Variants in GOSR2 observed in about 807,000 individuals in gnomAD.
The protein encoded by GOSR2 is golgi SNAP receptor complex member 2, also known as 27 kDa Golgi SNARE protein.
In GOSR2, 20 loss-of-function variants were observed where a neutral mutation model predicts 27.9. The observed-to-expected ratio is 0.72, with a 90% CI of 0.50 to 1.04. The LOEUF (loss-of-function observed/expected upper bound fraction) is 1.04, where lower values mean the gene tolerates loss of function less well. GOSR2 is among the 50% of genes least tolerant of loss of function. The probability of loss-of-function intolerance (pLI) is 0.00; values close to 1 mark genes in which losing one functional copy is unlikely to be tolerated. For synonymous variants in GOSR2, 91 were observed against 98.8 expected (o/e 0.92, Z 0.47); for missense variants, 261 against 270.5 (o/e 0.97, Z 0.25).
intron 6 of GOSR2, among the ~76,000 whole-genome samples, chr17:46,954,301 C>A (rs1379719100): frequency 6.6e-6 from 1 of 152,316 alleles, no homozygotes; most frequent in Non-Finnish European, 1.5e-5. Context: ...GAATCCTTTT[C>A]CCATTTCTTG....
chr17:46,927,376 G>T (rs2086649364), intron 1 of GOSR2, among the ~76,000 whole-genome samples: 1 of 152,086 alleles, frequency 6.6e-6, no homozygotes, highest in African/African-American at 2.4e-5. Flanking sequence ...TTTTCATGTT[G>T]TCAGATGTAT....
At position 46,940,752 on chromosome 17, in the gene GOSR2, T is replaced by G. The variant is rs2089162673; in HGVS notation, c.*1992T>G. The G allele has an allele frequency of 1.3e-6, 2 of 1,561,444 alleles. No homozygotes were observed. Among genetic ancestry groups the G allele is most frequent in the South Asian group, 1.1e-5 (1 of 87,152 alleles). On this transcript the variant is annotated 3_prime_UTR_variant, in exon 6 of 6. Transcript: ENST00000640051. ...CTTTGATGAACCCTCATGCTGCACC[T>G]TCAGAGCCAGTCCTCTAGTTTGGAA...
At chr17:46,968,222 C>T (rs999450413), downstream of GOSR2, among the ~76,000 whole-genome samples, 4 of 152,170 alleles carry the variant, frequency 2.6e-5, no homozygotes, top group African/African-American at 9.7e-5. Flanking sequence ...GGGAAGGAGG[C>T]GTCCAGAGAC....
chr17:46,966,496 C>A, intron 6 of GOSR2: 1 of 676,254 alleles, frequency 1.5e-6, no homozygotes. Flanking sequence ...TACAGGTGCA[C>A]CCCACCACAC....
intron 1 of GOSR2, 82 bp from the exon 2 acceptor site, chr17:46,929,437 TG>T: frequency 2.6e-6 from 2 of 782,936 alleles, no homozygotes; most frequent in Non-Finnish European, 4.7e-6. Flanking sequence ...AGTTACATGT[TG>T]GCATCAGAAA....
At position 46,939,490 on chromosome 17, in the gene GOSR2, T is replaced by C; in HGVS notation, c.*730T>C. 1 of 986,440 alleles carries C rather than the reference T, an allele frequency of 1.0e-6. No homozygotes were observed. Among genetic ancestry groups the C allele is most frequent in the South Asian group, 4.7e-5 (1 of 21,336 alleles). The allele number at this position is 986,440 out of a possible 1,614,324, so 61.1% of individuals were successfully genotyped here. A position where few individuals can be genotyped will look rare whatever the true frequency, so the allele number is the denominator to read the frequency against. On this transcript the variant is annotated 3_prime_UTR_variant, in exon 6 of 6. Coordinates refer to ENST00000640051, the MANE Select transcript of GOSR2 (RefSeq NM_004287.5). ...TTTTTTCTAGTTGTTAATAGAGTGG[T>C]TGGCTTTTAAGGTTCAGAGACTGTG... is the stretch of plus-strand genomic sequence containing the variant.
chr17:46,932,271 C>T (rs756679129), intron 4 of GOSR2, 72 bp downstream of exon 4: 61 of 1,574,224 alleles, frequency 3.9e-5, no homozygotes, highest in African/African-American at 4.1e-5. Context: ...GATCTCTGAG[C>T]GCCATCTGTT....
At chr17:46,953,196 A>C (rs1219011861) in intron 6 of GOSR2, among the ~76,000 whole-genome samples, 14 of 140,054 alleles carry the variant, frequency 1.0e-4, no homozygotes, top group South Asian at 4.6e-4. Flanking sequence ...ATCCCTCCCC[A>C]CTCCCCCCAC....
At chr17:46,955,243 C>G (rs1419811337) in intron 6 of GOSR2, among the ~76,000 whole-genome samples, 1 of 151,448 alleles carries the variant, frequency 6.6e-6, no homozygotes, top group African/African-American at 2.4e-5. Context: ...TGAATTTTGT[C>G]AAAGGCCTTT....
Position 46,953,274 on chromosome 17 carries a change from A to G in GOSR2, c.584-13260A>G, listed in dbSNP as rs377695092. Among the ~76,000 whole-genome samples the G allele has an allele frequency of 1.9e-4, 29 of 150,786 alleles. No homozygotes were observed. The East Asian group carries it at 5.7e-3, about 30-fold the overall frequency. ...CATGTGTTCTCATTGTTCAATTCCC[A>G]CCTATGAGTGAGAACATGCAGTGTT... On this transcript the variant is annotated intron_variant, in intron 6 of 6. Coordinates refer to the GOSR2 transcript ENST00000573224.
At position 46,953,851 on chromosome 17, in the gene GOSR2, A is replaced by C. The variant is rs1027188052; in HGVS notation, c.584-12683A>C. Among the ~76,000 whole-genome samples the C allele has an allele frequency of 3.8e-4, 58 of 152,210 alleles. No homozygotes were observed. The East Asian group carries it at 8.9e-3, about 23-fold the overall frequency. Reference sequence around the variant, plus strand: ...ATAAATGTCTTCTTTTGAGAAGTGTATGTTCATATCCTTCGCCCACTTGTT... The same window carrying C: ...ATAAATGTCTTCTTTTGAGAAGTGTCTGTTCATATCCTTCGCCCACTTGTT... On this transcript the variant is annotated intron_variant, in intron 6 of 6. Transcript: ENST00000573224.
chr17:46,937,393 T>C (rs1366847542), intron 5 of GOSR2: 1 of 152,254 alleles, frequency 6.6e-6, no homozygotes, highest in East Asian at 1.9e-4. Flanking sequence ...TTTTTTGATG[T>C]TGCCTTCTTT....
chr17:46,962,518 G>A (rs897633238), intron 6 of GOSR2, among the ~76,000 whole-genome samples: 4 of 152,108 alleles, frequency 2.6e-5, no homozygotes, highest in African/African-American at 9.7e-5. Flanking sequence ...CAATTATTGA[G>A]GTCTGGAAAC....
In GOSR2 at chr17:46,938,655, G is replaced by C; in HGVS notation, c.534G>C (p.Val178=). ...ACATGCTGGGCTTGTCCAACACAGT[G>C]ATGCGGCTCATCGAGAAGCGGGCTT... ...IANMLGLSNT[V]MRLIEKRAFQ... Residue 178 remains valine, a synonymous_variant, in exon 6 of 6, where the codon GTG becomes GTC. Coordinates refer to ENST00000640051, the MANE Select transcript of GOSR2 (RefSeq NM_004287.5). 2 of 1,614,126 alleles carry C rather than the reference G, an allele frequency of 1.2e-6. No individual in the cohort carries two copies. The highest frequency in any genetic ancestry group is 1.7e-6 in the Non-Finnish European group (2 of 1,180,018).
At chr17:46,953,286 GA>G (rs957342690) in intron 6 of GOSR2, among the ~76,000 whole-genome samples, 2 of 151,936 alleles carry the variant, frequency 1.3e-5, no homozygotes, top group Non-Finnish European at 2.9e-5. Context: ...CTATGAGTGA[GA>G]ACATGCAGTG....
chr17:46,957,451 A>G (rs1003336641), intron 6 of GOSR2, among the ~76,000 whole-genome samples: 3 of 152,130 alleles, frequency 2.0e-5, no homozygotes, highest in Non-Finnish European at 4.4e-5. Context: ...CATCTCTACT[A>G]AAAATACAAA....
Position 46,940,745 on chromosome 17 carries a change from C to T in GOSR2, c.*1985C>T. 1 of 1,573,630 alleles carries T rather than the reference C, an allele frequency of 6.4e-7. No homozygotes were observed. Among genetic ancestry groups the T allele is most frequent in the Non-Finnish European group, 8.6e-7 (1 of 1,164,128 alleles). On this transcript the variant is annotated 3_prime_UTR_variant, in exon 6 of 6. Coordinates refer to ENST00000640051, the MANE Select transcript of GOSR2 (RefSeq NM_004287.5). ...TGGTTGGCTTTGATGAACCCTCATG[C>T]TGCACCTTCAGAGCCAGTCCTCTAG...
At chr17:46,926,020 CTTATCGT>C (rs2086439943) in intron 1 of GOSR2, among the ~76,000 whole-genome samples, 1 of 152,132 alleles carries the variant, frequency 6.6e-6, no homozygotes. Flanking sequence ...TGTCCTGGAC[CTTATCGT>C]ATGTCCAGGA....
In GOSR2 at chr17:46,950,796, G is replaced by T. The variant is rs146901748; in HGVS notation, c.583+12092G>T. Among the ~76,000 whole-genome samples, 52 of 152,296 alleles carry T rather than the reference G, an allele frequency of 3.4e-4. 1 individual carries two copies. In the East Asian group the frequency reaches 9.8e-3, roughly 29 times the overall value. On this transcript the variant is annotated intron_variant, in intron 6 of 6. Coordinates refer to the GOSR2 transcript ENST00000573224. ...ACATGGGGCTGATGAGATCAAAACTGTCCAGTTCCAAATCCCAGAACAGAG... is the reference window on the plus strand; with the variant it reads ...ACATGGGGCTGATGAGATCAAAACTTTCCAGTTCCAAATCCCAGAACAGAG...
Sources: gnomAD v4.1 joint callset for allele counts (sites outside exome capture counted in the v4.1 genomes callset) on GRCh38, gnomAD v4.1.1 for gene constraint, MANE v1.5 for transcripts, NCBI Gene and HGNC (gene_info 2026-07-23, HGNC 2026-07-21) for gene names.